Variants in PCAT7 observed in about 807,000 individuals in gnomAD.
PCAT7 encodes prostate cancer associated transcript 7, also known as prostate cancer associated transcript 7 (non-protein coding).
At chr9:94,555,136 T>G (rs145274826) in exon 1 of PCAT7, 1 of 151,918 alleles carries the variant, frequency 6.6e-6, no homozygotes, top group Non-Finnish European at 1.5e-5. Flanking sequence ...TTGTTTTTTT[T>G]GTTTTTGTTT....
chr9:94,561,857 C>T (rs371708382), intron 2 of PCAT7, among the ~76,000 whole-genome samples: 8 of 152,258 alleles, frequency 5.3e-5, no homozygotes, highest in South Asian at 2.1e-4. Flanking sequence ...GCGCAGCAAA[C>T]GCAGATCTAT....
At chr9:94,563,587 G>A in intron 2 of PCAT7, 1 of 1,024,204 alleles carries the variant, frequency 9.8e-7, no homozygotes, top group Non-Finnish European at 1.4e-6. Flanking sequence ...ACCCACTAGT[G>A]TAGGAATTGA....
chr9:94,556,528 A>T lies in PCAT7; in HGVS notation n.257+1218A>T, dbSNP rs188176820. ...GGACAAAGGTTTTGGGTAGATTTTT[A>T]AAAATAAGATTATTTGTATTTTCAC... On this transcript the variant is annotated intron_variant and non_coding_transcript_variant, in intron 1 of 8. Coordinates refer to ENST00000647389, the Ensembl canonical transcript of PCAT7. 7.7e-3 allele frequency among the ~76,000 whole-genome samples: 1,166 copies of T among 152,292 alleles called. 15 individuals carry two copies. Among genetic ancestry groups the T allele is most frequent in the African/African-American group, 0.027 (1,115 of 41,568 alleles).
intron 2 of PCAT7, chr9:94,563,478 G>A (rs200989389): frequency 2.0e-5 from 32 of 1,610,678 alleles, no homozygotes; most frequent in Non-Finnish European, 2.5e-5. Flanking sequence ...GACAGAAAGC[G>A]AAGAGACAAG....
chr9:94,556,654 T>G (rs1824368058), intron 1 of PCAT7, among the ~76,000 whole-genome samples: 1 of 152,256 alleles, frequency 6.6e-6, no homozygotes, highest in Admixed American at 6.5e-5. Flanking sequence ...CTGTCTTCAT[T>G]ATACTGATTG....
At chr9:94,563,049 G>C (rs1190022908) in intron 2 of PCAT7, among the ~76,000 whole-genome samples, 2 of 152,254 alleles carry the variant, frequency 1.3e-5, no homozygotes, top group East Asian at 3.8e-4. Context: ...GTCAGATGCA[G>C]CCTGTGGAAA....
At chr9:94,573,036 C>T (rs1266601943) in exon 3 of PCAT7, 1 of 152,116 alleles carries the variant, frequency 6.6e-6, no homozygotes, top group African/African-American at 2.4e-5. Context: ...GTGTTATTAC[C>T]TGCTTTCCAA....
intron 2 of PCAT7, chr9:94,569,825 A>G (rs1051135936): frequency 6.6e-6 from 1 of 152,228 alleles, no homozygotes; most frequent in African/African-American, 2.4e-5. Context: ...TGACAAAATC[A>G]AATCACCAGC....
At chr9:94,558,395 C>T (rs952696028) in intron 1 of PCAT7, among the ~76,000 whole-genome samples, 3 of 152,096 alleles carry the variant, frequency 2.0e-5, no homozygotes, top group South Asian at 2.1e-4. Flanking sequence ...CCCGGGTTCA[C>T]GCCATTCTCC....
chr9:94,564,534 A>G (rs549460403), intron 2 of PCAT7, among the ~76,000 whole-genome samples: 18 of 152,304 alleles, frequency 1.2e-4, no homozygotes, highest in African/African-American at 4.3e-4. Context: ...TGAAGGCCTA[A>G]TTATCTTAAG....
At chr9:94,562,967 A>C (rs1460655800) in intron 2 of PCAT7, among the ~76,000 whole-genome samples, 1 of 152,170 alleles carries the variant, frequency 6.6e-6, no homozygotes, top group Non-Finnish European at 1.5e-5. Flanking sequence ...TGTTCTGGGA[A>C]GTGTGTTGAT....
chr9:94,560,788 TA>T (rs533812577), intron 2 of PCAT7, among the ~76,000 whole-genome samples: 2 of 148,732 alleles, frequency 1.3e-5, no homozygotes. Context: ...TTTTCTATTG[TA>T]TATATTATAT....
intron 2 of PCAT7, chr9:94,571,707 G>A (rs775355834): frequency 2.7e-4 from 287 of 1,069,480 alleles, no homozygotes; most frequent in African/African-American, 4.7e-4. Flanking sequence ...AAGGAAGCGC[G>A]GTTCTTTGAA....
chr9:94,562,215 CAGG>C (rs1827118472), intron 2 of PCAT7, among the ~76,000 whole-genome samples: 1 of 146,446 alleles, frequency 6.8e-6, no homozygotes, highest in Non-Finnish European at 1.5e-5. Context: ...GAGGCTGAGG[CAGG>C]AGAATGGTGT....
intron 2 of PCAT7, among the ~76,000 whole-genome samples, chr9:94,565,156 C>T (rs1827167196): frequency 6.6e-6 from 1 of 152,052 alleles, no homozygotes; most frequent in South Asian, 2.1e-4. Context: ...GGTGGATCAC[C>T]TGTGGTCAGG....
At chr9:94,569,441 CTG>C (rs1456856986) in intron 2 of PCAT7, 1 of 152,258 alleles carries the variant, frequency 6.6e-6, no homozygotes, top group African/African-American at 2.4e-5. Context: ...AGATGCACAA[CTG>C]TCATCTGAAC....
intron 2 of PCAT7, among the ~76,000 whole-genome samples, chr9:94,572,441 G>T (rs1287895769): frequency 6.6e-6 from 1 of 152,154 alleles, no homozygotes; most frequent in Non-Finnish European, 1.5e-5. Context: ...CAGCATTGTT[G>T]TGATGTACGT....
At chr9:94,567,507 G>A in intron 2 of PCAT7, 2 of 1,410,480 alleles carry the variant, frequency 1.4e-6, no homozygotes, top group Admixed American at 1.9e-5. Context: ...GGGGCCTGCT[G>A]GCAGAGCTGG....
upstream of PCAT7, among the ~76,000 whole-genome samples, chr9:94,554,897 C>T (rs139586456): frequency 5.2e-4 from 79 of 152,276 alleles, no homozygotes; most frequent in Non-Finnish European, 9.1e-4. Flanking sequence ...AATGACGCGC[C>T]GCTGCCTCAG....
Sources: gnomAD v4.1 joint callset for allele counts (sites outside exome capture counted in the v4.1 genomes callset) on GRCh38, gnomAD v4.1.1 for gene constraint, MANE v1.5 for transcripts, NCBI Gene and HGNC (gene_info 2026-07-23, HGNC 2026-07-21) for gene names.